Variants in TSPAN15 observed in about 807,000 individuals in gnomAD.
TSPAN15 encodes the protein tetraspanin 15.
In TSPAN15, 20 loss-of-function variants were observed where a neutral mutation model predicts 34.5. The observed-to-expected ratio is 0.58, with a 90% CI of 0.41 to 0.84. TSPAN15 has a LOEUF of 0.84. TSPAN15 is among the 40% of genes least tolerant of loss of function. The probability of loss-of-function intolerance (pLI) is 0.00; values close to 1 mark genes in which losing one functional copy is unlikely to be tolerated. For missense variants in TSPAN15, 313 were observed against 386.1 expected (o/e 0.81, Z 1.59); for synonymous variants, 155 against 153.9 (o/e 1.01, Z -0.05).
chr10:69,498,988 T>G (rs1056129224), intron 5 of TSPAN15, among the ~76,000 whole-genome samples: 4 of 152,314 alleles, frequency 2.6e-5, no homozygotes, highest in East Asian at 1.9e-4. Flanking sequence ...CTGGTGATCA[T>G]CAGCAGCAGA....
chr10:69,528,486 C>T, the TSPAN15 span, among the ~76,000 whole-genome samples: 2 of 148,616 alleles, frequency 1.3e-5, no homozygotes, highest in African/African-American at 2.4e-5. Context: ...CAGCTCTTCT[C>T]TCCTCTTCAC....
At chr10:69,488,990 A>G (rs1036777108) in intron 3 of TSPAN15, among the ~76,000 whole-genome samples, 4 of 152,174 alleles carry the variant, frequency 2.6e-5, no homozygotes, top group African/African-American at 9.7e-5. Flanking sequence ...TCTGAACTCA[A>G]ATTTACCAGG....
chr10:69,518,504 A>G, the TSPAN15 span, among the ~76,000 whole-genome samples: 2 of 152,224 alleles, frequency 1.3e-5, no homozygotes, highest in Admixed American at 6.5e-5. Context: ...GCTCACTGCA[A>G]TCTCCACCTC....
chr10:69,455,546 C>CT (rs879552124), intron 1 of TSPAN15, among the ~76,000 whole-genome samples: 12 of 129,146 alleles, frequency 9.3e-5, no homozygotes, highest in Non-Finnish European at 1.7e-4. Context: ...TTCTTTCTTT[C>CT]TTCTCTCTCT....
chr10:69,512,370 C>T (rs1842423674), downstream of TSPAN15, among the ~76,000 whole-genome samples: 3 of 152,106 alleles, frequency 2.0e-5, no homozygotes, highest in South Asian at 6.2e-4. Context: ...TTATAAGACA[C>T]ATTAAGGAAG....
chr10:69,451,702 C>T lies in TSPAN15; in HGVS notation c.96+12C>T, dbSNP rs1268420557. ...CCACCGTGTTCTGGGTGAGTGACCC[C>T]AGTAGGGCCCGGGGATGGGGGTGGG... On this transcript the variant is annotated intron_variant, in intron 1 of 7. Coordinates refer to ENST00000373290, the MANE Select transcript of TSPAN15 (RefSeq NM_012339.5). 37 of 1,474,936 alleles carry T rather than the reference C, an allele frequency of 2.5e-5. No homozygotes were observed. In the East Asian group the frequency reaches 4.4e-4, roughly 17 times the overall value. 91.4% of individuals were successfully genotyped at this position (1,474,936 alleles called of 1,614,324 possible). A position where few individuals can be genotyped will look rare whatever the true frequency, so the allele number is the denominator to read the frequency against.
intron 5 of TSPAN15, among the ~76,000 whole-genome samples, chr10:69,501,594 A>G (rs575940017): frequency 6.2e-4 from 95 of 152,338 alleles, no homozygotes; most frequent in African/African-American, 2.2e-3. Context: ...TTGTATTCTC[A>G]GATAGGAGGC....
the TSPAN15 span, among the ~76,000 whole-genome samples, chr10:69,529,142 C>T: frequency 6.7e-6 from 1 of 148,222 alleles, no homozygotes; most frequent in South Asian, 2.1e-4. Flanking sequence ...CACTTCTGAG[C>T]CTGCAAGGGA....
the TSPAN15 span, among the ~76,000 whole-genome samples, chr10:69,525,534 A>G: frequency 2.0e-5 from 3 of 146,666 alleles, 1 homozygote; most frequent in African/African-American, 2.5e-5. Context: ...TTAAGTATTC[A>G]ACCTGGCCAG....
chr10:69,503,661 C>T (rs574266997), intron 5 of TSPAN15, among the ~76,000 whole-genome samples: 8 of 152,134 alleles, frequency 5.3e-5, no homozygotes, highest in African/African-American at 9.7e-5. Context: ...GCAGCACTCA[C>T]GGCAGCGTTC....
intron 3 of TSPAN15, among the ~76,000 whole-genome samples, chr10:69,488,187 C>T (rs1427565858): frequency 6.6e-6 from 1 of 151,826 alleles, no homozygotes; most frequent in Non-Finnish European, 1.5e-5. Flanking sequence ...TTTTTATAAT[C>T]AAGGGGAAAA....
intron 1 of TSPAN15, among the ~76,000 whole-genome samples, chr10:69,466,411 A>G (rs1037405636): frequency 6.6e-6 from 1 of 152,112 alleles, no homozygotes; most frequent in Non-Finnish European, 1.5e-5. Flanking sequence ...GGTGCACAAG[A>G]TGATTGTAGC....
chr10:69,524,443 G>A, the TSPAN15 span, among the ~76,000 whole-genome samples: 36 of 147,560 alleles, frequency 2.4e-4, 2 homozygotes, highest in Admixed American at 1.5e-3. Context: ...TCCAGCCTGG[G>A]TGACAGAGTG....
At chr10:69,527,868 G>A in the TSPAN15 span, among the ~76,000 whole-genome samples, 1 of 147,726 alleles carries the variant, frequency 6.8e-6, no homozygotes, top group African/African-American at 2.5e-5. Context: ...ACAGCTAAAG[G>A]ATATGGAGCT....
intron 3 of TSPAN15, chr10:69,495,027 C>T (rs1486443895): frequency 1.0e-5 from 3 of 297,290 alleles, no homozygotes; most frequent in African/African-American, 2.3e-5. Context: ...GAGAACAGCC[C>T]ATGAGGGAGG....
At chr10:69,542,821 T>C in the TSPAN15 span, among the ~76,000 whole-genome samples, 1 of 152,156 alleles carries the variant, frequency 6.6e-6, no homozygotes. Flanking sequence ...TAATTCAAGA[T>C]GAGATTTGGA....
intron 3 of TSPAN15, among the ~76,000 whole-genome samples, chr10:69,493,949 C>T (rs1001152765): frequency 1.5e-4 from 23 of 152,180 alleles, no homozygotes; most frequent in African/African-American, 3.4e-4. Flanking sequence ...TTGAGCAGAG[C>T]GAGGCTCGGG....
chr10:69,477,989 C>T lies in TSPAN15; in HGVS notation c.97-5702C>T, dbSNP rs145969205. Among the ~76,000 whole-genome samples the T allele has an allele frequency of 2.1e-3, 316 of 152,300 alleles. 1 individual carries two copies. The highest frequency in any genetic ancestry group is 7.1e-3 in the African/African-American group (295 of 41,562). ...AGAGCCAACAGGCTTTACTGTTTTA[C>T]AGGTGAAAAATGAGGCCCACAAGCG... On this transcript the variant is annotated intron_variant, in intron 1 of 7. Coordinates refer to ENST00000373290, the MANE Select transcript of TSPAN15 (RefSeq NM_012339.5).
the TSPAN15 span, among the ~76,000 whole-genome samples, chr10:69,527,833 T>G: frequency 6.8e-6 from 1 of 147,176 alleles, no homozygotes; most frequent in African/African-American, 2.5e-5. Context: ...GGACTGTGGG[T>G]GGGGATAGGA....
Sources: gnomAD v4.1 joint callset for allele counts (sites outside exome capture counted in the v4.1 genomes callset) on GRCh38, gnomAD v4.1.1 for gene constraint, MANE v1.5 for transcripts, NCBI Gene and HGNC (gene_info 2026-07-23, HGNC 2026-07-21) for gene names.